ABTB3: variants seen among roughly 807,000 people sequenced by gnomAD.
ABTB3 encodes the protein ankyrin repeat- and BTB/POZ domain-containing protein 3.
the ABTB3 span, among the ~76,000 whole-genome samples, chr12:107,328,679 T>G: frequency 6.6e-6 from 1 of 152,232 alleles, no homozygotes; most frequent in African/African-American, 2.4e-5. Context: ...AGGAAGAAAC[T>G]GAAGCTCAGA....
the ABTB3 span, among the ~76,000 whole-genome samples, chr12:107,432,829 C>T: frequency 6.6e-6 from 1 of 152,134 alleles, no homozygotes; most frequent in African/African-American, 2.4e-5. Flanking sequence ...CAAGCTCCCC[C>T]CGAGGTTCTA....
chr12:107,531,810 C>G, the ABTB3 span, among the ~76,000 whole-genome samples: 2 of 152,110 alleles, frequency 1.3e-5, no homozygotes, highest in Admixed American at 6.5e-5. Context: ...CTACATCCTG[C>G]CCTGGGTCCC....
the ABTB3 span, among the ~76,000 whole-genome samples, chr12:107,331,198 G>A: frequency 1.3e-5 from 2 of 152,224 alleles, no homozygotes; most frequent in Non-Finnish European, 2.9e-5. Flanking sequence ...ACGTGGCACA[G>A]CCTTTTTCTC....
At chr12:107,645,558 C>A in the ABTB3 span, among the ~76,000 whole-genome samples, 5 of 152,212 alleles carry the variant, frequency 3.3e-5, no homozygotes, top group African/African-American at 4.8e-5. Flanking sequence ...GCTAAACTCA[C>A]CCAGCCCTGA....
the ABTB3 span, among the ~76,000 whole-genome samples, chr12:107,421,030 C>A: frequency 2.6e-5 from 4 of 152,180 alleles, no homozygotes; most frequent in Non-Finnish European, 5.9e-5. Flanking sequence ...AGAGAGGTTT[C>A]AGTAGAGAGG....
the ABTB3 span, among the ~76,000 whole-genome samples, chr12:107,535,277 C>T: frequency 1.3e-5 from 2 of 152,000 alleles, no homozygotes; most frequent in African/African-American, 2.4e-5. Context: ...AAGGAAAAAA[C>T]CTCAACACAG....
At chr12:107,544,461 T>C in the ABTB3 span, among the ~76,000 whole-genome samples, 67 of 152,158 alleles carry the variant, frequency 4.4e-4, no homozygotes, top group Non-Finnish European at 8.8e-4. Context: ...TGCCACCACC[T>C]CTCGTGGGAG....
At chr12:107,512,548 C>T in the ABTB3 span, among the ~76,000 whole-genome samples, 25,256 of 152,120 alleles carry the variant, frequency 0.17, 2,536 homozygotes, top group Admixed American at 0.26. Flanking sequence ...GGTTATACTG[C>T]GAGTTCCAGA....
At chr12:107,356,876 T>C in the ABTB3 span, among the ~76,000 whole-genome samples, 1 of 152,232 alleles carries the variant, frequency 6.6e-6, no homozygotes, top group Non-Finnish European at 1.5e-5. Context: ...AGCACAGGGC[T>C]TATGCCACTG....
At chr12:107,515,962 C>A in the ABTB3 span, among the ~76,000 whole-genome samples, 2 of 151,772 alleles carry the variant, frequency 1.3e-5, no homozygotes, top group African/African-American at 2.4e-5. Flanking sequence ...AATGAGAGTG[C>A]CTCACATGTA....
the ABTB3 span, chr12:107,620,300 C>A: frequency 1.7e-6 from 2 of 1,176,664 alleles, no homozygotes; most frequent in Non-Finnish European, 2.4e-6. Flanking sequence ...GCGAATGTAG[C>A]CCAGCAGACG....
chr12:107,600,562 A>C, the ABTB3 span, among the ~76,000 whole-genome samples: 1 of 152,316 alleles, frequency 6.6e-6, no homozygotes, highest in East Asian at 1.9e-4. Context: ...CACACAGCAG[A>C]ACGGGGCTGC....
At chr12:107,330,774 G>A in the ABTB3 span, among the ~76,000 whole-genome samples, 1 of 152,172 alleles carries the variant, frequency 6.6e-6, no homozygotes, top group Non-Finnish European at 1.5e-5. Context: ...ATTAATTTAC[G>A]ATCCTGCTGT....
chr12:107,611,509 A>G, the ABTB3 span, among the ~76,000 whole-genome samples: 1 of 152,224 alleles, frequency 6.6e-6, no homozygotes, highest in Non-Finnish European at 1.5e-5. Context: ...TCTAATGGCT[A>G]TGCAAAATGG....
At chr12:107,565,804 G>T in the ABTB3 span, among the ~76,000 whole-genome samples, 1 of 152,142 alleles carries the variant, frequency 6.6e-6, no homozygotes, top group African/African-American at 2.4e-5. Context: ...AGGCAGGCAG[G>T]GGCACACGTG....
the ABTB3 span, among the ~76,000 whole-genome samples, chr12:107,619,450 G>C: frequency 6.6e-6 from 1 of 152,274 alleles, no homozygotes; most frequent in African/African-American, 2.4e-5. Flanking sequence ...ATAAATATCT[G>C]TCTTAGCCAG....
the ABTB3 span, among the ~76,000 whole-genome samples, chr12:107,325,653 G>T: frequency 1.1e-4 from 16 of 152,164 alleles, no homozygotes; most frequent in African/African-American, 3.9e-4. Context: ...TAGAAGGAAG[G>T]CCTCTAATTC....
the ABTB3 span, among the ~76,000 whole-genome samples, chr12:107,367,531 G>A: frequency 2.0e-5 from 3 of 151,846 alleles, no homozygotes; most frequent in Non-Finnish European, 4.4e-5. Flanking sequence ...TTTAGACAGA[G>A]TCTCACTCTG....
At chr12:107,595,188 G>A in the ABTB3 span, among the ~76,000 whole-genome samples, 6 of 152,212 alleles carry the variant, frequency 3.9e-5, no homozygotes, top group Non-Finnish European at 8.8e-5. Context: ...ATTAGTCAGC[G>A]CTTCTGGTGC....
Sources: gnomAD v4.1 joint callset for allele counts (sites outside exome capture counted in the v4.1 genomes callset) on GRCh38, gnomAD v4.1.1 for gene constraint, MANE v1.5 for transcripts, NCBI Gene and HGNC (gene_info 2026-07-23, HGNC 2026-07-21) for gene names.